Variants in CEP20 observed in about 807,000 individuals in gnomAD.
CEP20 encodes the protein FGFR1OP N-terminal like.
Under a neutral mutation model 20.0 loss-of-function variants are expected in CEP20, and 18 were observed. That is an observed-to-expected ratio of 0.90 (90% CI 0.62 to 1.34). The LOEUF (loss-of-function observed/expected upper bound fraction) is 1.34, where lower values mean the gene tolerates loss of function less well. Among genes scored for constraint, CEP20 ranks in the 40% most tolerant of loss-of-function variants. CEP20 has a pLI of 0.00. For synonymous variants in CEP20, 77 were observed against 73.7 expected (o/e 1.04, Z -0.23); for missense variants, 215 against 201.6 (o/e 1.07, Z -0.40).
At position 15,873,554 on chromosome 16, in the gene CEP20, C is replaced by A; in HGVS notation, c.385G>T (p.Gly129Trp). The A allele has an allele frequency of 6.2e-7, 1 of 1,614,070 alleles. No individual in the cohort carries two copies. Among genetic ancestry groups the A allele is most frequent in the South Asian group, 1.1e-5 (1 of 91,074 alleles). ...KDGIQNAFLKGPSLQPSDPSL... is the reference protein window; with the variant it reads ...KDGIQNAFLKWPSLQPSDPSL... ...GGGTCTGAAGGCTGAAGTGAAGGCC[C>A]TTTCAGAAATGCATTCTGGATGCCA... The change falls in exon 4 of 5, where the codon GGG becomes TGG. Residue 129 changes from glycine to tryptophan, a missense_variant. By Grantham distance (184) the Gly-to-Trp change is radical. Coordinates refer to ENST00000255759, the MANE Select transcript of CEP20 (RefSeq NM_144600.4).
intron 2 of CEP20, 102 bp downstream of exon 2, chr16:15,883,906 T>C (rs2045173183): frequency 3.1e-6 from 3 of 964,490 alleles, no homozygotes; most frequent in South Asian, 1.7e-5. Flanking sequence ...GTCACCCAGA[T>C]GGCACTATCT....
At chr16:15,869,094 A>AT (rs2044751579) in intron 4 of CEP20, among the ~76,000 whole-genome samples, 1 of 131,086 alleles carries the variant, frequency 7.6e-6, no homozygotes, top group Non-Finnish European at 1.7e-5. Flanking sequence ...AAAGAAAAAA[A>AT]ATGTGTGTGT....
intron 4 of CEP20, 62 bp from the exon 5 acceptor site, chr16:15,867,578 C>A: frequency 2.8e-6 from 3 of 1,070,242 alleles, no homozygotes; most frequent in East Asian, 2.5e-5. Flanking sequence ...GATAGGTAGA[C>A]ATAGCTACAA....
chr16:15,887,934 C>T (rs1023965231), intron 1 of CEP20, among the ~76,000 whole-genome samples: 1 of 151,726 alleles, frequency 6.6e-6, no homozygotes, highest in Non-Finnish European at 1.5e-5. Context: ...AAAAATTAGC[C>T]GGGCGTAGTG....
intron 2 of CEP20, 38 bp downstream of exon 2, chr16:15,883,970 G>A (rs1186258764): frequency 6.5e-7 from 1 of 1,537,890 alleles, no homozygotes; most frequent in African/African-American, 1.4e-5. Flanking sequence ...GGGGAAAGGG[G>A]AGAAACAGAT....
intron 4 of CEP20, among the ~76,000 whole-genome samples, chr16:15,869,100 T>C (rs72773955): frequency 0.051 from 7,598 of 150,210 alleles, 312 homozygotes; most frequent in East Asian, 0.22. Flanking sequence ...AAAAAATGTG[T>C]GTGTGTGTAT....
intron 4 of CEP20, among the ~76,000 whole-genome samples, chr16:15,868,963 GA>G (rs1168968933): frequency 6.6e-6 from 1 of 152,014 alleles, no homozygotes; most frequent in Non-Finnish European, 1.5e-5. Context: ...AGCTACTTGG[GA>G]GGCTGAGGTG....
intron 3 of CEP20, among the ~76,000 whole-genome samples, chr16:15,874,139 A>G (rs1041490756): frequency 2.6e-5 from 4 of 152,180 alleles, no homozygotes; most frequent in African/African-American, 9.7e-5. Context: ...TTCTTCCTTT[A>G]TAAATTAGGA....
Position 15,884,148 on chromosome 16 carries a change from C to G in CEP20, c.86G>C (p.Arg29Pro). 1 of 1,614,024 alleles carries G rather than the reference C, an allele frequency of 6.2e-7. No homozygotes were observed. Among genetic ancestry groups the G allele is most frequent in the Non-Finnish European group, 8.5e-7 (1 of 1,179,946 alleles). The change falls in exon 2 of 5, where the codon CGA becomes CCA. Residue 29 changes from arginine to proline, a missense_variant. Coordinates refer to ENST00000255759, the MANE Select transcript of CEP20 (RefSeq NM_144600.4). ...GVLGHLKARI[R>P]AEVFNALDDD... Reference sequence around the variant, plus strand: ...ATCTAGGGCATTGAAAACTTCAGCTCGGATCCTTGCTTTTAAATGCCCTAA... The same window carrying G: ...ATCTAGGGCATTGAAAACTTCAGCTGGGATCCTTGCTTTTAAATGCCCTAA...
chr16:15,875,145 A>G (rs1444436789), intron 3 of CEP20, among the ~76,000 whole-genome samples: 2 of 152,176 alleles, frequency 1.3e-5, no homozygotes, highest in African/African-American at 4.8e-5. Flanking sequence ...AAATTCTGGA[A>G]TAATATCACA....
rs187831480 is a variant in CEP20, at chr16:15,877,696, G to C, written c.311+2108C>G. 5.9e-5 allele frequency among the ~76,000 whole-genome samples: 9 copies of C among 152,212 alleles called. No individual in the cohort carries two copies. In the East Asian group the frequency reaches 1.7e-3, roughly 29 times the overall value. The stretch of plus-strand genomic sequence containing the variant: ...GGAGGCTGAGGTGGGAGAATCGCTT[G>C]AGCCCAGGAGTTCGAGGCTGCAGTG... On this transcript the variant is annotated intron_variant, in intron 3 of 4. Transcript: ENST00000255759.
At chr16:15,868,702 A>T (rs1383105725) in intron 4 of CEP20, among the ~76,000 whole-genome samples, 1 of 152,196 alleles carries the variant, frequency 6.6e-6, no homozygotes, top group African/African-American at 2.4e-5. Flanking sequence ...ATACTACTTT[A>T]AGGGTCTGGA....
At chr16:15,875,307 T>C (rs1460095410) in intron 3 of CEP20, among the ~76,000 whole-genome samples, 1 of 152,230 alleles carries the variant, frequency 6.6e-6, no homozygotes, top group African/African-American at 2.4e-5. Context: ...TCAAGATGAT[T>C]TTTAAATGTT....
At chr16:15,871,646 G>A (rs1398004924) in intron 4 of CEP20, among the ~76,000 whole-genome samples, 4 of 152,160 alleles carry the variant, frequency 2.6e-5, no homozygotes, top group Non-Finnish European at 4.4e-5. Context: ...ACAGGTCTTA[G>A]TTGAGTTACT....
intron 3 of CEP20, among the ~76,000 whole-genome samples, chr16:15,879,053 A>C (rs2045034129): frequency 6.6e-6 from 1 of 151,914 alleles, no homozygotes; most frequent in Non-Finnish European, 1.5e-5. Context: ...TCTCCAGAAA[A>C]AGTTTAAGAA....
intron 1 of CEP20, among the ~76,000 whole-genome samples, chr16:15,885,442 A>G (rs1474160192): frequency 6.6e-6 from 1 of 151,908 alleles, no homozygotes; most frequent in East Asian, 2.0e-4. Flanking sequence ...GCCAGGTTGG[A>G]GTGCAGTGGC....
intron 4 of CEP20, 34 bp from the exon 5 acceptor site, chr16:15,867,550 C>G (rs1198662941): frequency 6.7e-7 from 1 of 1,481,660 alleles, no homozygotes; most frequent in Non-Finnish European, 9.3e-7. Context: ...TAATACTTAT[C>G]CCAAGTCAAA....
chr16:15,873,225 G>A (rs769821253), intron 4 of CEP20, among the ~76,000 whole-genome samples: 2 of 152,214 alleles, frequency 1.3e-5, no homozygotes, highest in Admixed American at 6.5e-5. Context: ...TTACAGGCAT[G>A]AGCCATTGTG....
intron 3 of CEP20, among the ~76,000 whole-genome samples, chr16:15,877,813 G>C (rs1428882110): frequency 6.6e-6 from 1 of 150,832 alleles, no homozygotes; most frequent in East Asian, 2.0e-4. Flanking sequence ...ACAGCACTTT[G>C]GGAGGTGGAG....
Sources: gnomAD v4.1 joint callset for allele counts (sites outside exome capture counted in the v4.1 genomes callset) on GRCh38, gnomAD v4.1.1 for gene constraint, MANE v1.5 for transcripts, NCBI Gene and HGNC (gene_info 2026-07-23, HGNC 2026-07-21) for gene names.